SOX6: variants seen among roughly 807,000 people sequenced by gnomAD.
SOX6 encodes SRY-box transcription factor 6, also known as transcription factor SOX-6.
A neutral mutation model predicts 97.8 loss-of-function variants in SOX6; 11 were observed. The ratio of observed to expected loss-of-function variants is 0.11; its 90% CI spans 0.07 to 0.19. SOX6 has a LOEUF of 0.19. Among genes scored for constraint, SOX6 ranks in the 10% least tolerant of loss-of-function variants. The pLI is 1.00. For missense variants in SOX6, 810 were observed against 1,039.5 expected (o/e 0.78, Z 3.04); for synonymous variants, 360 against 371.4 (o/e 0.97, Z 0.35).
chr11:16,173,576 TTTG>T (rs1239499952), intron 6 of SOX6, among the ~76,000 whole-genome samples: 4 of 147,694 alleles, frequency 2.7e-5, no homozygotes, highest in Non-Finnish European at 6.0e-5. Context: ...TTTTAGTTTT[TTTG>T]TTTTTTTTTT....
At chr11:16,124,232 T>C (rs952014216) in intron 6 of SOX6, among the ~76,000 whole-genome samples, 1 of 152,142 alleles carries the variant, frequency 6.6e-6, no homozygotes, top group Non-Finnish European at 1.5e-5. Flanking sequence ...GACACTATTG[T>C]AGGCATTGGG....
intron 1 of SOX6, among the ~76,000 whole-genome samples, chr11:16,390,606 G>C (rs1052022970): frequency 1.3e-5 from 2 of 152,090 alleles, no homozygotes; most frequent in African/African-American, 2.4e-5. Flanking sequence ...CCTTTCCTTT[G>C]ATCTGTTCAA....
intron 3 of SOX6, among the ~76,000 whole-genome samples, chr11:16,629,286 TGAGAATTTTTA>T (rs1211823605): frequency 6.6e-6 from 1 of 152,218 alleles, no homozygotes; most frequent in East Asian, 1.9e-4. Context: ...CCTAGTTTCT[TGAGAATTTTTA>T]CCACGAAGCG....
chr11:16,111,685 C>G (rs963914601), intron 7 of SOX6, 118 bp downstream of exon 7: 14 of 1,347,510 alleles, frequency 1.0e-5, no homozygotes, highest in Middle Eastern at 2.5e-4. Flanking sequence ...TTAAAATAAG[C>G]TTTTATGATA....
chr11:16,653,729 T>C (rs1054914459), intron 3 of SOX6, among the ~76,000 whole-genome samples: 1 of 152,088 alleles, frequency 6.6e-6, no homozygotes, highest in Non-Finnish European at 1.5e-5. Context: ...AAGTAACTTA[T>C]CCATGTAACA....
At chr11:16,214,777 T>A (rs1382129207) in intron 4 of SOX6, among the ~76,000 whole-genome samples, 1 of 141,012 alleles carries the variant, frequency 7.1e-6, no homozygotes, top group Non-Finnish European at 1.5e-5. Flanking sequence ...TGAGACGGAG[T>A]TTCGCTCTTT....
At chr11:16,250,150 G>C (rs537507537) in intron 3 of SOX6, among the ~76,000 whole-genome samples, 13 of 152,282 alleles carry the variant, frequency 8.5e-5, no homozygotes, top group African/African-American at 2.6e-4. Flanking sequence ...GAGATCAGCA[G>C]TGGCGTTTGA....
rs1565188995 is a variant in SOX6, at chr11:16,594,683, G to GTTTT, written n.609+17397_609+17398insAAAA. 1.4e-3 allele frequency among the ~76,000 whole-genome samples: 65 copies of GTTTT among 47,812 alleles called. 4 individuals are homozygous for GTTTT. The highest frequency in any genetic ancestry group is 5.0e-3 in the African/African-American group (62 of 12,432). The allele number at this position is 47,812 out of a possible 152,430, so 31.4% of individuals were successfully genotyped here. A position where few individuals can be genotyped will look rare whatever the true frequency, so the allele number is the denominator to read the frequency against. On this transcript the variant is annotated intron_variant and non_coding_transcript_variant, in intron 4 of 5. Transcript: ENST00000524520. Reference sequence around the variant, plus strand: ...AATTTTTATTTTCTTTTCGGTTTTTGCTTTTTTTTTTTTTTTTTTTTTTTT... The same window carrying GTTTT: ...AATTTTTATTTTCTTTTCGGTTTTTGTTTTCTTTTTTTTTTTTTTTTTTTTTTTT...
chr11:16,020,811 C>T (rs1855036004), intron 12 of SOX6, among the ~76,000 whole-genome samples: 2 of 152,244 alleles, frequency 1.3e-5, no homozygotes, highest in Admixed American at 6.5e-5. Context: ...TCGACAACAT[C>T]AAAAGATTTT....
At position 16,049,790 on chromosome 11, in the gene SOX6, G is replaced by A; in HGVS notation, c.1400C>T (p.Pro467Leu). The change falls in exon 11 of 16, where the codon CCC becomes CTC. Residue 467 changes from proline to leucine, a missense_variant. By Grantham distance (98) the Pro-to-Leu change is moderately conservative (BLOSUM62 -3). Coordinates refer to ENST00000683767, the MANE Select transcript of SOX6 (RefSeq NM_001367873.1). ...NLPNKSSIPSPIGGSLGRGSS... is the reference protein window; with the variant it reads ...NLPNKSSIPSLIGGSLGRGSS... ...TCCTCTTCCCAGGCTTCCTCCAATG[G>A]GGCTAGGGATGCTGCTTTTGTTTGG... 1.2e-6 allele frequency: 2 copies of A among 1,613,358 alleles called. No individual in the cohort carries two copies. The highest frequency in any genetic ancestry group is 2.2e-5 in the East Asian group (1 of 44,844).
intron 4 of SOX6, among the ~76,000 whole-genome samples, chr11:16,530,511 T>C (rs1039670404): frequency 6.6e-6 from 1 of 152,128 alleles, no homozygotes; most frequent in East Asian, 1.9e-4. Context: ...GCCAAATACA[T>C]TGATATCTGA....
At chr11:16,100,430 T>C (rs1848914923) in intron 7 of SOX6, among the ~76,000 whole-genome samples, 1 of 151,732 alleles carries the variant, frequency 6.6e-6, no homozygotes, top group Non-Finnish European at 1.5e-5. Context: ...TTTCCAGCTT[T>C]CTACATATTT....
In SOX6 at chr11:16,216,584, ACT is replaced by A. The variant is rs531756948; in HGVS notation, c.535+17996_535+17997del. On this transcript the variant is annotated intron_variant, in intron 4 of 15. Transcript: ENST00000683767. The stretch of plus-strand genomic sequence containing the variant: ...AGAGTCTCTTCAGAACCCTTCCTGC[ACT>A]CTTAAGCAAATTCTTCTTTTCAGAC... Among the ~76,000 whole-genome samples, 65 of 149,858 alleles carry A rather than the reference ACT, an allele frequency of 4.3e-4. 1 individual carries two copies. In the South Asian group the frequency reaches 8.0e-3, roughly 18 times the overall value.
intron 1 of SOX6, among the ~76,000 whole-genome samples, chr11:16,468,288 T>C (rs1217665625): frequency 6.6e-6 from 1 of 152,234 alleles, no homozygotes; most frequent in African/African-American, 2.4e-5. Context: ...CTGTTTGCAC[T>C]ATATTACTTT....
At chr11:16,081,226 G>A (rs1374277571) in intron 9 of SOX6, among the ~76,000 whole-genome samples, 2 of 151,914 alleles carry the variant, frequency 1.3e-5, no homozygotes, top group East Asian at 1.9e-4. Context: ...TTTTGGACTC[G>A]TACCCCTAGA....
intron 3 of SOX6, among the ~76,000 whole-genome samples, chr11:16,692,857 A>C (rs945425589): frequency 1.3e-5 from 2 of 152,232 alleles, no homozygotes; most frequent in Middle Eastern, 3.2e-3. Flanking sequence ...ACACTATTTT[A>C]TATCTGCATA....
rs568409674 is a variant in SOX6 at position 16,336,894 on chromosome 11, T to G, written c.237+4118A>C. 3.3e-5 allele frequency among the ~76,000 whole-genome samples: 5 copies of G among 152,296 alleles called. No individual in the cohort carries two copies. In the South Asian group the frequency reaches 1.0e-3, roughly 32 times the overall value. Reference sequence around the variant, plus strand: ...CCCAAATCTTTGCACAGTGATTCTTTTTATTCCAATTTCAGCTCAAATGTC... The same window carrying G: ...CCCAAATCTTTGCACAGTGATTCTTGTTATTCCAATTTCAGCTCAAATGTC... On this transcript the variant is annotated intron_variant, in intron 2 of 15. Coordinates refer to ENST00000683767, the MANE Select transcript of SOX6 (RefSeq NM_001367873.1).
At chr11:16,539,566 A>G (rs1466250409) in intron 4 of SOX6, among the ~76,000 whole-genome samples, 1 of 152,166 alleles carries the variant, frequency 6.6e-6, no homozygotes, top group East Asian at 1.9e-4. Flanking sequence ...AAATTGATAG[A>G]CCACTAGCAA....
intron 3 of SOX6, among the ~76,000 whole-genome samples, chr11:16,628,659 C>T (rs1157598721): frequency 1.3e-5 from 2 of 151,424 alleles, no homozygotes; most frequent in Admixed American, 6.6e-5. Flanking sequence ...AGAAAAATGA[C>T]ATTGGTATTT....
Sources: gnomAD v4.1 joint callset for allele counts (sites outside exome capture counted in the v4.1 genomes callset) on GRCh38, gnomAD v4.1.1 for gene constraint, MANE v1.5 for transcripts, NCBI Gene and HGNC (gene_info 2026-07-23, HGNC 2026-07-21) for gene names.